The following MTUS2 variants were observed in gnomAD, a reference collection of about 807,000 sequenced individuals.
MTUS2 encodes microtubule associated scaffold protein 2, also known as microtubule-associated tumor suppressor candidate 2.
A neutral mutation model predicts 114.1 loss-of-function variants in MTUS2; 40 were observed. That is an observed-to-expected ratio of 0.35 (90% CI 0.27 to 0.46). The LOEUF is 0.46. MTUS2 is among the 20% of genes least tolerant of loss of function. The probability of loss-of-function intolerance (pLI) is 1.00; values close to 1 mark genes in which losing one functional copy is unlikely to be tolerated. For synonymous variants in MTUS2, 688 were observed against 672.0 expected (o/e 1.02, Z -0.37); for missense variants, 1,679 against 1,705.4 (o/e 0.98, Z 0.27).
chr13:29,176,211 G>A (rs1893765389), intron 5 of MTUS2, among the ~76,000 whole-genome samples: 1 of 152,156 alleles, frequency 6.6e-6, no homozygotes, highest in Non-Finnish European at 1.5e-5. Flanking sequence ...CTCCCTGACT[G>A]TACTGCTCTT....
intron 5 of MTUS2, among the ~76,000 whole-genome samples, chr13:29,171,115 G>C (rs1927830): frequency 0.57 from 85,873 of 151,866 alleles, 24,478 homozygotes; most frequent in Admixed American, 0.57. Flanking sequence ...TAGCAGGAAG[G>C]CTTGGTGAGT....
At chr13:29,080,596 A>G (rs1295929327) in intron 4 of MTUS2, among the ~76,000 whole-genome samples, 1 of 152,202 alleles carries the variant, frequency 6.6e-6, no homozygotes, top group African/African-American at 2.4e-5. Context: ...TTGGAGGCTA[A>G]GCCAGTCTGG....
intron 4 of MTUS2, among the ~76,000 whole-genome samples, chr13:29,067,049 T>G (rs901005954): frequency 1.3e-5 from 2 of 152,094 alleles, no homozygotes; most frequent in Non-Finnish European, 2.9e-5. Context: ...TGGGGTATGT[T>G]TTATAGGATT....
chr13:29,315,352 G>T (rs554356482), intron 6 of MTUS2, among the ~76,000 whole-genome samples: 2 of 152,208 alleles, frequency 1.3e-5, no homozygotes, highest in Admixed American at 1.3e-4. Context: ...TGATCTATGT[G>T]TGAGGTGATG....
Position 28,895,089 on chromosome 13 carries a change from C to T in MTUS2, c.-243+55239C>T, listed in dbSNP as rs546882545. ...TCATTTGTTCACAGTGGCTGAAGGC[C>T]AGCCTCATATATGCCAGGTTATATT... On this transcript the variant is annotated intron_variant, in intron 2 of 15. Transcript: ENST00000612955. Among the ~76,000 whole-genome samples, 11 of 152,298 alleles carry T rather than the reference C, an allele frequency of 7.2e-5. No individual in the cohort carries two copies. The East Asian group carries it at 1.7e-3, about 24-fold the overall frequency.
intron 2 of MTUS2, among the ~76,000 whole-genome samples, chr13:28,992,502 C>T (rs28681163): frequency 0.013 from 1,959 of 152,170 alleles, 35 homozygotes; most frequent in East Asian, 0.053. Flanking sequence ...GGACTAGAAG[C>T]AGGGAGATTT....
intron 4 of MTUS2, among the ~76,000 whole-genome samples, chr13:29,042,172 T>C (rs542245959): frequency 6.6e-6 from 1 of 152,296 alleles, no homozygotes; most frequent in Admixed American, 6.5e-5. Flanking sequence ...GTTTTAATCA[T>C]AAAGGGATGG....
At chr13:29,022,063 G>C (rs1886316100) in intron 2 of MTUS2, among the ~76,000 whole-genome samples, 1 of 152,148 alleles carries the variant, frequency 6.6e-6, no homozygotes, top group Admixed American at 6.5e-5. Context: ...ACATGCACAT[G>C]TATGACTCTG....
intron 2 of MTUS2, among the ~76,000 whole-genome samples, chr13:28,869,711 C>T (rs1276819330): frequency 2.6e-5 from 4 of 152,170 alleles, no homozygotes; most frequent in African/African-American, 9.7e-5. Context: ...GTGGAGGTTG[C>T]ACTGAGCTGA....
At chr13:29,469,608 C>T (rs1163155130) in intron 9 of MTUS2, among the ~76,000 whole-genome samples, 1 of 144,528 alleles carries the variant, frequency 6.9e-6, no homozygotes, top group African/African-American at 2.6e-5. Context: ...GCCTGGGCAA[C>T]AGAGCAAGAC....
At chr13:29,131,245 T>C (rs1187287022) in intron 5 of MTUS2, among the ~76,000 whole-genome samples, 1 of 152,264 alleles carries the variant, frequency 6.6e-6, no homozygotes, top group Non-Finnish European at 1.5e-5. Flanking sequence ...TAGAGGTAGC[T>C]GTCATCCTTA....
rs759904838 is a variant in MTUS2, at chr13:29,024,851, C to T, written c.153C>T (p.Ser51=). The change falls in exon 3 of 16, where the codon TCC becomes TCT. Residue 51 remains serine, a synonymous_variant. Transcript: ENST00000612955. Reference sequence around the variant, plus strand: ...AGGTCAGCTCCTCTCATGACGAGTCCAAGACATGTGACCTGGGAGATGAAA... The same window carrying T: ...AGGTCAGCTCCTCTCATGACGAGTCTAAGACATGTGACCTGGGAGATGAAA... ...MLEVSSSHDE[S]KTCDLGDEIG... is the part of the protein sequence containing the mutation. 2.5e-6 allele frequency: 4 copies of T among 1,613,958 alleles called. No individual in the cohort carries two copies. Among genetic ancestry groups the T allele is most frequent in the Middle Eastern group, 1.6e-4 (1 of 6,062 alleles).
intron 5 of MTUS2, among the ~76,000 whole-genome samples, chr13:29,195,583 CACAGTCCTT>C (rs1894658919): frequency 7.2e-6 from 1 of 138,602 alleles, no homozygotes. Context: ...GTCAGTACAT[CACAGTCCTT>C]CCGGCTCATG....
In MTUS2 at chr13:29,137,347, C is replaced by T. The variant is rs548092889; in HGVS notation, c.2644+36377C>T. ...GGCCTCTTTGAGTTCATCCTGCTTC[C>T]GTGCTCATCCTATCTCCCTGCTTCT... On this transcript the variant is annotated intron_variant, in intron 5 of 15. Coordinates refer to ENST00000612955, the MANE Select transcript of MTUS2 (RefSeq NM_001033602.4). 2.6e-5 allele frequency among the ~76,000 whole-genome samples: 4 copies of T among 152,122 alleles called. No homozygotes were observed. In the South Asian group the frequency reaches 6.3e-4, roughly 24 times the overall value.
chr13:29,366,724 C>T (rs1014126021), intron 8 of MTUS2, among the ~76,000 whole-genome samples: 3 of 152,172 alleles, frequency 2.0e-5, no homozygotes. Context: ...CTGTTTCTAG[C>T]ATATTATTCC....
Position 29,496,430 on chromosome 13 carries a change from G to C in MTUS2, c.3580-808G>C, listed in dbSNP as rs868328150. On this transcript the variant is annotated intron_variant, in intron 12 of 15. Transcript: ENST00000612955. This position sits in a 1 kb window ranked among gnomAD's most constrained non-coding sequence, Gnocchi z 4.3. ...GTGTGGGAGCCAGAGTGAAGCGGGA[G>C]TGAGAGGGAGCTGGCTGGAGGTAGG... is the stretch of plus-strand genomic sequence containing the variant. 2.0e-5 allele frequency: 3 copies of C among 153,754 alleles called. No homozygotes were observed. In the South Asian group the frequency reaches 6.2e-4, roughly 32 times the overall value. 9.5% of individuals were successfully genotyped at this position (153,754 alleles called of 1,614,324 possible).
At chr13:29,361,403 C>A in intron 8 of MTUS2, among the ~76,000 whole-genome samples, 1 of 152,144 alleles carries the variant, frequency 6.6e-6, no homozygotes, top group East Asian at 1.9e-4. Flanking sequence ...TCTTTCTGAT[C>A]TCTACGCTAT....
intron 5 of MTUS2, among the ~76,000 whole-genome samples, chr13:29,232,256 G>A (rs1896352346): frequency 6.6e-6 from 1 of 151,596 alleles, no homozygotes; most frequent in African/African-American, 2.4e-5. Context: ...CAATGTGTAG[G>A]CCAAACAGAA....
At chr13:28,982,816 G>A (rs2138301482) in intron 2 of MTUS2, among the ~76,000 whole-genome samples, 1 of 152,334 alleles carries the variant, frequency 6.6e-6, no homozygotes, top group South Asian at 2.1e-4. Flanking sequence ...TTCAGATGAG[G>A]CACCTAGGGT....
Sources: gnomAD v4.1 joint callset for allele counts (sites outside exome capture counted in the v4.1 genomes callset) on GRCh38, gnomAD v4.1.1 for gene constraint, Gnocchi (gnomAD v3.1) non-coding constraint, MANE v1.5 for transcripts, NCBI Gene and HGNC (gene_info 2026-07-23, HGNC 2026-07-21) for gene names.